The following MRPS15 variants were observed in gnomAD, a reference collection of about 807,000 sequenced individuals.
MRPS15 encodes mitochondrial ribosomal protein S15, also known as small ribosomal subunit protein uS15m.
MRPS15 carries 25 observed loss-of-function variants against 30.7 expected under a neutral mutation model. That is an observed-to-expected ratio of 0.81 (90% confidence interval 0.59 to 1.14). MRPS15 has a LOEUF of 1.14. Among genes scored for constraint, MRPS15 ranks in the 50% most tolerant of loss-of-function variants. MRPS15 has a pLI of 0.00. For synonymous variants in MRPS15, 124 were observed against 120.1 expected (o/e 1.03, Z -0.21); for missense variants, 313 against 321.7 (o/e 0.97, Z 0.21).
intron 6 of MRPS15, among the ~76,000 whole-genome samples, chr1:36,456,938 T>C (rs1650004065): frequency 6.6e-6 from 1 of 152,206 alleles, no homozygotes; most frequent in African/African-American, 2.4e-5. Flanking sequence ...ATTTGCCTAA[T>C]TACAGCAGCT....
chr1:36,460,676 A>C lies in MRPS15; in HGVS notation c.385+16T>G, dbSNP rs199707213. The C allele has an allele frequency of 6.2e-5, 100 of 1,610,012 alleles. No homozygotes were observed. Among genetic ancestry groups the C allele is most frequent in the Admixed American group, 3.5e-4 (21 of 59,960 alleles). ...GGCTTCCCTACACCCCCACTCCCCA[A>C]GGGTCCCCGACCAACTTCGAGCCTC... On this transcript the variant is annotated intron_variant, in intron 5 of 7. Coordinates refer to ENST00000373116, the MANE Select transcript of MRPS15 (RefSeq NM_031280.4).
At chr1:36,456,145 T>C in intron 7 of MRPS15, 42 bp downstream of exon 7, 1 of 1,569,514 alleles carries the variant, frequency 6.4e-7, no homozygotes, top group Non-Finnish European at 8.6e-7. Context: ...TCCATCCCAG[T>C]CCCTGAGTGG....
rs561655159 is a variant in MRPS15, at chr1:36,457,867, G to A, written c.444+56C>T. ...TCTGGACCCAGAGCCCTTCCCCTCC[G>A]GACCCCTTTCCCCCAGGCTGCTGCT... On this transcript the variant is annotated intron_variant, in intron 6 of 7. Coordinates refer to ENST00000373116, the MANE Select transcript of MRPS15 (RefSeq NM_031280.4). 8.4e-6 allele frequency: 13 copies of A among 1,555,082 alleles called. No individual in the cohort carries two copies. The East Asian group carries it at 9.0e-5, about 11-fold the overall frequency.
At chr1:36,456,425 T>G (rs1174800569) in intron 6 of MRPS15, 47 bp from the exon 7 acceptor site, 1 of 1,446,498 alleles carries the variant, frequency 6.9e-7, no homozygotes, top group Admixed American at 2.4e-5. Context: ...GTGTTACTGT[T>G]GTTCACAGTA....
chr1:36,460,585 C>T (rs547014610), intron 5 of MRPS15, 107 bp downstream of exon 5: 3 of 856,794 alleles, frequency 3.5e-6, no homozygotes, highest in Middle Eastern at 2.9e-4. Context: ...CTTCATGTCT[C>T]TCCCTTTCCC....
chr1:36,456,689 T>G, intron 6 of MRPS15: 2 of 214,378 alleles, frequency 9.3e-6, no homozygotes, highest in Non-Finnish European at 9.3e-6. Flanking sequence ...AGACTCTCCA[T>G]AGCTTAGCAA....
rs752293707 is a variant in MRPS15, at chr1:36,464,175, G to A, written c.101C>T (p.Pro34Leu). Residue 34 changes from proline to leucine, a missense_variant, in exon 1 of 8, where the codon CCT becomes CTT. Physicochemically the swap from Pro to Leu is moderately conservative, Grantham distance 98. Coordinates refer to ENST00000373116, the MANE Select transcript of MRPS15 (RefSeq NM_031280.4). ...AGGCTGCAGGCCCCACTGGTTGAAA[G>A]GAAACTTGGCGCTCCCACCGCCCGG... is the stretch of plus-strand genomic sequence containing the variant. ...GLPGGGSAKF[P>L]FNQWGLQPRS... 1.9e-6 allele frequency: 3 copies of A among 1,613,856 alleles called. No homozygotes were observed. In the South Asian group the frequency reaches 3.3e-5, roughly 18 times the overall value.
At chr1:36,463,892 G>GC in intron 1 of MRPS15, 42 bp from the exon 2 acceptor site, 1 of 1,594,252 alleles carries the variant, frequency 6.3e-7, no homozygotes, top group South Asian at 1.1e-5. Context: ...TCCTTAAATA[G>GC]CCCACCCCTC....
chr1:36,458,127 G>C lies in MRPS15; in HGVS notation c.386-146C>G, dbSNP rs988278983. 1 of 653,564 alleles carries C rather than the reference G, an allele frequency of 1.5e-6. No individual in the cohort carries two copies. Among genetic ancestry groups the C allele is most frequent in the Non-Finnish European group, 2.7e-6 (1 of 374,382 alleles). The allele number at this position is 653,564 out of a possible 1,614,324, so 40.5% of individuals were successfully genotyped here. On this transcript the variant is annotated intron_variant, in intron 5 of 7. Coordinates refer to ENST00000373116, the MANE Select transcript of MRPS15 (RefSeq NM_031280.4). The surrounding 1 kb of genome is among the most constrained non-coding windows in gnomAD (Gnocchi z 4.5). ...AATCCCAAATCACTCTGAATTTCAA[G>C]ATTTCAAAGGCTTATCTTAGACATT...
In MRPS15 at chr1:36,458,525, G is replaced by A. The variant is rs1052210680; in HGVS notation, c.386-544C>T. On this transcript the variant is annotated intron_variant, in intron 5 of 7. Coordinates refer to ENST00000373116, the MANE Select transcript of MRPS15 (RefSeq NM_031280.4). The surrounding 1 kb of genome is among the most constrained non-coding windows in gnomAD (Gnocchi z 4.5). Reference sequence around the variant, plus strand: ...GTTACAGGTGTGAGCCACCGTGCCTGGCCGCAAATAGCATTCTTAATGGTA... The same window carrying A: ...GTTACAGGTGTGAGCCACCGTGCCTAGCCGCAAATAGCATTCTTAATGGTA... 1.3e-5 allele frequency: 2 copies of A among 153,610 alleles called. No individual in the cohort carries two copies. 9.5% of individuals were successfully genotyped at this position (153,610 alleles called of 1,614,324 possible).
chr1:36,463,325 G>A (rs956506801), intron 2 of MRPS15, among the ~76,000 whole-genome samples: 1 of 152,210 alleles, frequency 6.6e-6, no homozygotes, highest in Admixed American at 6.5e-5. Context: ...AGCGTTAAGG[G>A]TGCTTTTCGT....
chr1:36,464,333 G>A lies in MRPS15; in HGVS notation c.-58C>T. 6.3e-7 allele frequency: 1 copy of A among 1,580,132 alleles called. No individual in the cohort carries two copies. Among genetic ancestry groups the A allele is most frequent in the Non-Finnish European group, 8.6e-7 (1 of 1,162,690 alleles). ...CGGCCGCCGTTCGCTTTGCGGCACG[G>A]ACCGGGTTACATGGGCGCCGCCATG... On this transcript the variant is annotated 5_prime_UTR_variant, in exon 1 of 8. Transcript: ENST00000373116.
intron 3 of MRPS15, among the ~76,000 whole-genome samples, chr1:36,461,887 C>T (rs77010973): frequency 6.6e-6 from 1 of 152,208 alleles, no homozygotes; most frequent in East Asian, 1.9e-4. Flanking sequence ...TACAAAAAAA[C>T]CCCCAAGTAG....
At chr1:36,456,067 T>C in intron 7 of MRPS15, 120 bp downstream of exon 7, 1 of 1,463,268 alleles carries the variant, frequency 6.8e-7, no homozygotes, top group Non-Finnish European at 9.2e-7. Flanking sequence ...CCTCCCTGGA[T>C]CCATTCCAGG....
chr1:36,464,059 A>ATCTCCCCTATTCCTGTGCTTCCT, intron 1 of MRPS15, 87 bp downstream of exon 1: 1 of 1,544,548 alleles, frequency 6.5e-7, no homozygotes, highest in Non-Finnish European at 8.8e-7. Flanking sequence ...ACCGCTGTAT[A>ATCTCCCCTATTCCTGTGCTTCCT]TCTCCCCTAC....
At chr1:36,464,069 C>T (rs941760197) in intron 1 of MRPS15, 77 bp downstream of exon 1, 5 of 1,576,642 alleles carry the variant, frequency 3.2e-6, no homozygotes, top group Non-Finnish European at 4.3e-6. Context: ...ATCTCCCCTA[C>T]TCCTGTGCTT....
At chr1:36,457,900 T>C in intron 6 of MRPS15, 23 bp downstream of exon 6, 2 of 1,612,914 alleles carry the variant, frequency 1.2e-6, no homozygotes, top group Non-Finnish European at 1.7e-6. Flanking sequence ...GCTGTTTAAC[T>C]GTGAATGACG....
rs754591261 is a variant in MRPS15 at position 36,456,252 on chromosome 1, A to C, written c.571T>G (p.Phe191Val). The C allele has an allele frequency of 6.2e-7, 1 of 1,614,058 alleles. No homozygotes were observed. The highest frequency in any genetic ancestry group is 8.5e-7 in the Non-Finnish European group (1 of 1,180,004). The change falls in exon 7 of 8, where the codon TTC becomes GTC. Residue 191 changes from phenylalanine (F) to valine (V), a missense_variant. Transcript: ENST00000373116. ...GCTCTTCGGTAATACAGAGGGGGGA[A>C]GGTGTACTCAATTCCCAGCCCCCAG... ...ICWGLGIEYT[F>V]PPLYYRRAHR... is the part of the protein sequence containing the mutation.
Position 36,455,781 on chromosome 1 carries a change from A to G in MRPS15, c.*7T>C, listed in dbSNP as rs779452396. ...CTTCAAGACAGAAAGAAATGATTGA[A>G]CAGAATTTATTGGCTGTCTTTGAGT... On this transcript the variant is annotated 3_prime_UTR_variant, in exon 8 of 8. Transcript: ENST00000373116. 74 of 1,613,006 alleles carry G rather than the reference A, an allele frequency of 4.6e-5. No individual in the cohort carries two copies. The highest frequency in any genetic ancestry group is 5.5e-5 in the Non-Finnish European group (65 of 1,179,808).
Sources: gnomAD v4.1 joint callset for allele counts (sites outside exome capture counted in the v4.1 genomes callset) on GRCh38, gnomAD v4.1.1 for gene constraint, Gnocchi (gnomAD v3.1) non-coding constraint, MANE v1.5 for transcripts, NCBI Gene and HGNC (gene_info 2026-07-23, HGNC 2026-07-21) for gene names.